Variants in IGF1R observed in about 807,000 individuals in gnomAD.
IGF1R encodes insulin like growth factor 1 receptor.
A neutral mutation model predicts 144.6 loss-of-function variants in IGF1R; 44 were observed. The ratio of observed to expected loss-of-function variants is 0.30; its 90% CI spans 0.24 to 0.39. The LOEUF is 0.39. IGF1R is among the 10% of genes least tolerant of loss of function. IGF1R has a pLI of 1.00. For missense variants in IGF1R, 1,355 were observed against 1,833.7 expected (o/e 0.74, Z 4.77); for synonymous variants, 795 against 722.8 (o/e 1.10, Z -1.60).
intron 20 of IGF1R, among the ~76,000 whole-genome samples, chr15:98,955,422 C>T (rs2016939825): frequency 1.3e-5 from 2 of 152,242 alleles, no homozygotes; most frequent in Non-Finnish European, 2.9e-5. Flanking sequence ...TTGCAGGCCA[C>T]AGTCTCTGTC....
intron 2 of IGF1R, among the ~76,000 whole-genome samples, chr15:98,847,564 G>A (rs1301458811): frequency 6.6e-6 from 1 of 152,152 alleles, no homozygotes; most frequent in Non-Finnish European, 1.5e-5. Context: ...GACCAACGAT[G>A]AAGAGTCCAG....
chr15:98,736,389 T>C (rs2054608888), intron 2 of IGF1R, among the ~76,000 whole-genome samples: 2 of 152,168 alleles, frequency 1.3e-5, no homozygotes, highest in Admixed American at 1.3e-4. Context: ...CTTTTATAAC[T>C]CACTGGATAA....
chr15:98,776,114 C>T (rs540958817), intron 2 of IGF1R, among the ~76,000 whole-genome samples: 10 of 152,088 alleles, frequency 6.6e-5, no homozygotes, highest in African/African-American at 2.2e-4. Context: ...CTTAAACTCC[C>T]GAAGGGAGGG....
At chr15:98,662,547 G>A (rs2141179467) in intron 1 of IGF1R, among the ~76,000 whole-genome samples, 2 of 152,206 alleles carry the variant, frequency 1.3e-5, no homozygotes, top group South Asian at 4.2e-4. Context: ...TCTGCTCCAT[G>A]GAAAGCATAT....
chr15:98,680,597 C>G (rs1596177281), intron 1 of IGF1R, among the ~76,000 whole-genome samples: 1 of 152,132 alleles, frequency 6.6e-6, no homozygotes, highest in East Asian at 1.9e-4. Flanking sequence ...CAGGGTCTAG[C>G]TCTGTCACCC....
rs865886074 is a variant in IGF1R at position 98,839,152 on chromosome 15, A to G, written c.641-52173A>G. On this transcript the variant is annotated intron_variant, in intron 2 of 20. Coordinates refer to ENST00000650285, the MANE Select transcript of IGF1R (RefSeq NM_000875.5). ...CTGACACTCATTCAGCCCTTACTCT[A>G]TGCCAGGTACTATTCTAAACACTTG... Among the ~76,000 whole-genome samples, 7 of 152,334 alleles carry G rather than the reference A, an allele frequency of 4.6e-5. No individual in the cohort carries two copies. The East Asian group carries it at 1.3e-3, about 29-fold the overall frequency.
intron 2 of IGF1R, among the ~76,000 whole-genome samples, chr15:98,800,494 C>T (rs1364005637): frequency 6.6e-6 from 1 of 151,866 alleles, no homozygotes; most frequent in East Asian, 1.9e-4. Flanking sequence ...AAAGAACAAC[C>T]TTTGATTAAA....
intron 2 of IGF1R, among the ~76,000 whole-genome samples, chr15:98,723,478 T>A (rs775269227): frequency 6.6e-6 from 1 of 152,206 alleles, no homozygotes; most frequent in African/African-American, 2.4e-5. Flanking sequence ...AAATATTAAA[T>A]TGATTGCATC....
chr15:98,687,815 CT>C (rs2141225664), intron 1 of IGF1R, among the ~76,000 whole-genome samples: 1 of 152,334 alleles, frequency 6.6e-6, no homozygotes, highest in South Asian at 2.1e-4. Flanking sequence ...CTGTAGAGCT[CT>C]CTGCCTGTTT....
At chr15:98,931,213 C>T (rs979212100) in intron 15 of IGF1R, among the ~76,000 whole-genome samples, 12 of 152,212 alleles carry the variant, frequency 7.9e-5, no homozygotes, top group Non-Finnish European at 7.4e-5. Flanking sequence ...GGAAACAGCC[C>T]TCAGGAGGGG....
At chr15:98,723,147 T>A (rs542490143) in intron 2 of IGF1R, among the ~76,000 whole-genome samples, 2 of 151,960 alleles carry the variant, frequency 1.3e-5, no homozygotes, top group Admixed American at 6.6e-5. Flanking sequence ...GTTTCGTACA[T>A]GTTTAGTTCC....
chr15:98,780,559 A>C (rs2055834369), intron 2 of IGF1R, among the ~76,000 whole-genome samples: 1 of 17,926 alleles, frequency 5.6e-5, no homozygotes, highest in Admixed American at 5.4e-4. Context: ...CAAAAAAAAA[A>C]AAAAAAAAAA....
chr15:98,734,150 G>C (rs1263492614), intron 2 of IGF1R, among the ~76,000 whole-genome samples: 1 of 152,182 alleles, frequency 6.6e-6, no homozygotes, highest in East Asian at 1.9e-4. Flanking sequence ...TAATTTCTCA[G>C]GGTTTTGTAT....
chr15:98,872,120 T>C (rs1471097643), intron 2 of IGF1R, among the ~76,000 whole-genome samples: 2 of 152,242 alleles, frequency 1.3e-5, no homozygotes, highest in African/African-American at 4.8e-5. Context: ...AATGATGTCT[T>C]GGGTAAACCC....
chr15:98,906,241 GT>G (rs1402661645), intron 5 of IGF1R, among the ~76,000 whole-genome samples: 1 of 152,244 alleles, frequency 6.6e-6, no homozygotes, highest in Non-Finnish European at 1.5e-5. Context: ...TATTTTTGGT[GT>G]GGTTCCGTTC....
intron 2 of IGF1R, among the ~76,000 whole-genome samples, chr15:98,734,125 ATTG>A (rs773389930): frequency 2.0e-5 from 3 of 152,168 alleles, no homozygotes; most frequent in Non-Finnish European, 4.4e-5. Context: ...TTCATTTGAA[ATTG>A]TTGTTGCACT....
chr15:98,744,646 C>T (rs975513100), intron 2 of IGF1R, among the ~76,000 whole-genome samples: 6 of 151,914 alleles, frequency 3.9e-5, no homozygotes, highest in African/African-American at 4.8e-5. Flanking sequence ...GGGGAGAGCT[C>T]CAGTAAGGAC....
chr15:98,842,788 G>A (rs189544170), intron 2 of IGF1R, among the ~76,000 whole-genome samples: 1 of 152,320 alleles, frequency 6.6e-6, no homozygotes, highest in East Asian at 1.9e-4. Flanking sequence ...TTAAGGAGAT[G>A]CAGTAGGATT....
At chr15:98,725,835 G>GA (rs529180642) in intron 2 of IGF1R, among the ~76,000 whole-genome samples, 32 of 152,234 alleles carry the variant, frequency 2.1e-4, no homozygotes, top group Non-Finnish European at 3.7e-4. Flanking sequence ...GGCAGCAAGA[G>GA]AAAATGTGGA....
Sources: allele counts gnomAD v4.1 joint callset (sites outside exome capture counted in the v4.1 genomes callset), GRCh38; gene constraint gnomAD v4.1.1; transcripts MANE v1.5; gene names NCBI Gene and HGNC (gene_info 2026-07-23, HGNC 2026-07-21).